The following RANBP10 variants were observed in gnomAD, a reference collection of about 807,000 sequenced individuals.
RANBP10 encodes RAN binding protein 10, also known as ran-binding protein 10.
In RANBP10, 24 loss-of-function variants were observed where a neutral mutation model predicts 72.8. The observed-to-expected ratio is 0.33, with a 90% CI of 0.24 to 0.46. The LOEUF is 0.46. Among genes scored for constraint, RANBP10 ranks in the 20% least tolerant of loss-of-function variants. The pLI, the probability that RANBP10 is intolerant of heterozygous loss-of-function variation, is 1.00. For missense variants in RANBP10, 679 were observed against 817.5 expected (o/e 0.83, Z 2.07); for synonymous variants, 310 against 322.3 (o/e 0.96, Z 0.41).
chr16:67,790,612 C>T (rs914376887), intron 2 of RANBP10, among the ~76,000 whole-genome samples: 5 of 151,872 alleles, frequency 3.3e-5, no homozygotes, highest in South Asian at 2.1e-4. Context: ...GTATTCTGGC[C>T]TCACATTGGG....
chr16:67,788,445 G>A (rs557971730), intron 2 of RANBP10, among the ~76,000 whole-genome samples: 1 of 150,846 alleles, frequency 6.6e-6, no homozygotes, highest in Non-Finnish European at 1.5e-5. Flanking sequence ...TTTTAGTAGA[G>A]AGGGGGTTTC....
chr16:67,728,568 G>A (rs1357979448), intron 10 of RANBP10, 57 bp from the exon 11 acceptor site: 3 of 1,611,884 alleles, frequency 1.9e-6, no homozygotes, highest in African/African-American at 1.3e-5. Context: ...GAGCAGCCTG[G>A]TTGGGCCTCC....
chr16:67,763,056 T>C (rs2054428562), intron 3 of RANBP10, among the ~76,000 whole-genome samples: 1 of 152,050 alleles, frequency 6.6e-6, no homozygotes, highest in African/African-American at 2.4e-5. Flanking sequence ...AGCAGCATGT[T>C]TGGCACCCTA....
intron 2 of RANBP10, among the ~76,000 whole-genome samples, chr16:67,799,703 TATG>T (rs2055201236): frequency 6.6e-6 from 1 of 152,186 alleles, no homozygotes; most frequent in Non-Finnish European, 1.5e-5. Context: ...TATATGATTC[TATG>T]ATGTTTTCCT....
chr16:67,775,250 G>A (rs1342477030), intron 2 of RANBP10, among the ~76,000 whole-genome samples: 1 of 152,072 alleles, frequency 6.6e-6, no homozygotes, highest in East Asian at 1.9e-4. Flanking sequence ...GGCCGAGGTT[G>A]CAGTGAGCCA....
At chr16:67,748,247 C>T (rs1240342280) in intron 3 of RANBP10, among the ~76,000 whole-genome samples, 1 of 151,914 alleles carries the variant, frequency 6.6e-6, no homozygotes, top group Non-Finnish European at 1.5e-5. Flanking sequence ...TGGCCGGATG[C>T]AGTGGCTCAG....
At chr16:67,786,015 A>AT (rs1402109069) in intron 2 of RANBP10, among the ~76,000 whole-genome samples, 2 of 151,108 alleles carry the variant, frequency 1.3e-5, no homozygotes, top group African/African-American at 2.4e-5. Flanking sequence ...AATAATAATA[A>AT]TTAAAAAAAA....
intron 2 of RANBP10, among the ~76,000 whole-genome samples, chr16:67,785,679 G>A (rs1001526222): frequency 2.1e-5 from 3 of 144,630 alleles, no homozygotes; most frequent in African/African-American, 8.1e-5. Context: ...AGTGAGCTGA[G>A]ATCACACCAC....
chr16:67,734,957 A>G lies in RANBP10; in HGVS notation c.677T>C (p.Ile226Thr), dbSNP rs746228287. The change falls in exon 6 of 14, where the codon ATT becomes ACT. Residue 226 changes from isoleucine to threonine, a missense_variant. Coordinates refer to ENST00000317506, the MANE Select transcript of RANBP10 (RefSeq NM_020850.3). ...ACGCCACTCCCGCATGTAGTCCTCA[A>G]TGTCAAACAGGAAGGGCTGCTGCCC... is the stretch of plus-strand genomic sequence containing the variant. Reference protein sequence around the residue: ...NFGQQPFLFDIEDYMREWRAK... With the variant: ...NFGQQPFLFDTEDYMREWRAK... 6.2e-6 allele frequency: 10 copies of G among 1,614,164 alleles called. No homozygotes were observed. The highest frequency in any genetic ancestry group is 8.5e-6 in the Non-Finnish European group (10 of 1,180,004).
At chr16:67,778,671 C>G (rs1417823851) in intron 2 of RANBP10, among the ~76,000 whole-genome samples, 2 of 152,122 alleles carry the variant, frequency 1.3e-5, no homozygotes, top group Non-Finnish European at 2.9e-5. Context: ...GGCGACACAG[C>G]AAAACCCCAT....
At chr16:67,755,215 G>A (rs904209933) in intron 3 of RANBP10, among the ~76,000 whole-genome samples, 14 of 152,114 alleles carry the variant, frequency 9.2e-5, no homozygotes, top group African/African-American at 3.4e-4. Flanking sequence ...TTCAGAACTG[G>A]ACAACCCTTT....
rs139436186 is a variant in RANBP10, at chr16:67,744,349, G to A, written c.507C>T (p.Ile169=). 4.7e-5 allele frequency: 76 copies of A among 1,614,098 alleles called. No individual in the cohort carries two copies. Among genetic ancestry groups the A allele is most frequent in the South Asian group, 9.9e-5 (9 of 91,090 alleles). ...YGPTFTTGDV[I]GCCVNLINGT... ...CATTGATGAGGTTGACACAGCAGCC[G>A]ATCACGTCTCCTGTGGTGAATGTGG... is the stretch of plus-strand genomic sequence containing the variant. Residue 169 remains isoleucine (I), a synonymous_variant, in exon 4 of 14, where the codon ATC becomes ATT. Coordinates refer to ENST00000317506, the MANE Select transcript of RANBP10 (RefSeq NM_020850.3).
rs888917887 is a variant in RANBP10 at position 67,727,832 on chromosome 16, C to G, written c.1539G>C (p.Leu513=). 2 of 1,614,110 alleles carry G rather than the reference C, an allele frequency of 1.2e-6. No homozygotes were observed. The highest frequency in any genetic ancestry group is 2.7e-5 in the African/African-American group (2 of 74,944). Reference sequence around the variant, plus strand: ...TCAATGCCTGCAACTCGCGGCCAAACAGAATGATCCTTTCTGTGGCAGCCT... The same window carrying G: ...TCAATGCCTGCAACTCGCGGCCAAAGAGAATGATCCTTTCTGTGGCAGCCT... ...GNQAATERII[L]FGRELQALSE... Residue 513 remains leucine, a synonymous_variant, in exon 12 of 14, where the codon CTG becomes CTC. Coordinates refer to ENST00000317506, the MANE Select transcript of RANBP10 (RefSeq NM_020850.3).
Position 67,729,359 on chromosome 16 carries a change from A to G in RANBP10, c.1273T>C (p.Ser425Pro). The G allele has an allele frequency of 6.2e-7, 1 of 1,612,440 alleles. No individual in the cohort carries two copies. Among genetic ancestry groups the G allele is most frequent in the Non-Finnish European group, 8.5e-7 (1 of 1,179,262 alleles). Residue 425 changes from serine (S) to proline (P), a missense_variant, in exon 10 of 14, where the codon TCC becomes CCC. By Grantham distance (74) the Ser-to-Pro change is moderately conservative. Coordinates refer to ENST00000317506, the MANE Select transcript of RANBP10 (RefSeq NM_020850.3). The surrounding 1 kb of genome is among the most constrained non-coding windows in gnomAD (Gnocchi z 7.1). ...SSSSSSSSPS[S>P]VNYSESNSTD... ...GAGTTGGACTCGGAGTAATTGACGG[A>G]GGATGGGGAAGAGGACGAGGAGGAG...
At chr16:67,792,402 C>CA (rs1291527464) in intron 2 of RANBP10, among the ~76,000 whole-genome samples, 170 of 147,768 alleles carry the variant, frequency 1.2e-3, no homozygotes, top group Non-Finnish European at 2.1e-3. Flanking sequence ...AAAAAAAATA[C>CA]AAAAAAAAAA....
chr16:67,726,882 A>G (rs1431046997), intron 13 of RANBP10, among the ~76,000 whole-genome samples: 1 of 152,210 alleles, frequency 6.6e-6, no homozygotes, highest in Non-Finnish European at 1.5e-5. Flanking sequence ...GTCACCAGAG[A>G]GGGCCTGTAC....
intron 2 of RANBP10, among the ~76,000 whole-genome samples, chr16:67,789,928 C>T (rs1039981064): frequency 3.3e-5 from 5 of 151,584 alleles, no homozygotes; most frequent in African/African-American, 4.9e-5. Context: ...GAAATCCCAT[C>T]TCTACTAAAA....
intron 2 of RANBP10, among the ~76,000 whole-genome samples, chr16:67,798,432 G>C (rs2055172991): frequency 6.6e-6 from 1 of 152,158 alleles, no homozygotes; most frequent in Non-Finnish European, 1.5e-5. Context: ...TCCACACCAG[G>C]AATGTGGCAG....
At chr16:67,761,010 G>A (rs1182795310) in intron 3 of RANBP10, among the ~76,000 whole-genome samples, 1 of 152,198 alleles carries the variant, frequency 6.6e-6, no homozygotes, top group Admixed American at 6.5e-5. Flanking sequence ...CCTGGCCTCT[G>A]CCCTTCCCTG....
Sources: allele counts gnomAD v4.1 joint callset (sites outside exome capture counted in the v4.1 genomes callset), GRCh38; gene constraint gnomAD v4.1.1; non-coding constraint Gnocchi (gnomAD v3.1); transcripts MANE v1.5; gene names NCBI Gene and HGNC (gene_info 2026-07-23, HGNC 2026-07-21).